The following NCR2 variants were observed in gnomAD, a reference collection of about 807,000 sequenced individuals.
The protein encoded by NCR2 is NK cell activating receptor (NKp44).
Under a neutral mutation model 30.7 loss-of-function variants are expected in NCR2, and 35 were observed. The observed-to-expected ratio is 1.14, with a 90% CI of 0.87 to 1.51. The LOEUF (loss-of-function observed/expected upper bound fraction) is 1.51. Ranked by LOEUF, NCR2 falls within the 40% of genes most tolerant of loss-of-function variation. The pLI is 0.00. For synonymous variants in NCR2, 146 were observed against 134.8 expected (o/e 1.08, Z -0.58); for missense variants, 316 against 328.9 (o/e 0.96, Z 0.30).
At chr6:41,335,998 A>G in intron 1 of NCR2, 70 bp downstream of exon 1, 1 of 1,584,540 alleles carries the variant, frequency 6.3e-7, no homozygotes, top group Non-Finnish European at 8.6e-7. Flanking sequence ...CAGCAGGGTC[A>G]GGGAGCAGGT....
At chr6:41,338,967 C>T (rs1769099327) in intron 2 of NCR2, among the ~76,000 whole-genome samples, 1 of 152,242 alleles carries the variant, frequency 6.6e-6, no homozygotes, top group South Asian at 2.1e-4. Context: ...GTATGGATTC[C>T]TTTCAAGAGC....
Position 41,350,823 on chromosome 6 carries a change from A to T in NCR2, c.790A>T (p.Arg264Trp). The change falls in exon 5 of 5, where the codon AGG becomes TGG. Residue 264 changes from arginine (R) to tryptophan (W), a missense_variant. Arg to Trp is a moderately radical substitution (Grantham distance 101, BLOSUM62 -3). Coordinates refer to ENST00000373089, the MANE Select transcript of NCR2 (RefSeq NM_004828.4). ...EREILYHTVARTKISDDDDEH... is the reference protein window; with the variant it reads ...EREILYHTVAWTKISDDDDEH... ...AGAAATATTATATCACACTGTTGCA[A>T]GGACTAAGATAAGCGATGATGATGA... 9.6e-7 allele frequency: 1 copy of T among 1,043,820 alleles called. No individual in the cohort carries two copies. Among genetic ancestry groups the T allele is most frequent in the Non-Finnish European group, 1.5e-6 (1 of 659,868 alleles). The allele number at this position is 1,043,820 out of a possible 1,614,324, so 64.7% of individuals were successfully genotyped here. A position where few individuals can be genotyped will look rare whatever the true frequency, so the allele number is the denominator to read the frequency against.
At chr6:41,344,869 G>A (rs980160659) in intron 4 of NCR2, among the ~76,000 whole-genome samples, 3 of 152,192 alleles carry the variant, frequency 2.0e-5, no homozygotes, top group Non-Finnish European at 4.4e-5. Flanking sequence ...GGATTGGGCG[G>A]GAGTATGGCT....
chr6:41,336,086 G>A lies in NCR2; in HGVS notation c.53-1G>A. ...CTATGCGTTACTTCATCATTCTCCA[G>A]GCTCTCAGGCACAATCCAAGGCTCA... is the stretch of plus-strand genomic sequence containing the variant. On this transcript the variant is annotated splice_acceptor_variant, in intron 1 of 4. Coordinates refer to ENST00000373089, the MANE Select transcript of NCR2 (RefSeq NM_004828.4). LOFTEE classifies it high-confidence loss of function. 6.2e-7 allele frequency: 1 copy of A among 1,611,638 alleles called. No individual in the cohort carries two copies. The highest frequency in any genetic ancestry group is 8.5e-7 in the Non-Finnish European group (1 of 1,178,432).
intron 4 of NCR2, chr6:41,342,885 A>G: frequency 1.3e-6 from 2 of 1,533,730 alleles, no homozygotes; most frequent in Non-Finnish European, 1.8e-6. Context: ...AACGGATTCA[A>G]GTCACTTCAT....
Position 41,336,412 on chromosome 6 carries a change from T to C in NCR2, c.378T>C (p.Tyr126=). The C allele has an allele frequency of 1.2e-6, 2 of 1,613,170 alleles. No individual in the cohort carries two copies. Among genetic ancestry groups the C allele is most frequent in the Non-Finnish European group, 1.7e-6 (2 of 1,179,308 alleles). Residue 126 remains tyrosine, a synonymous_variant, in exon 2 of 5, where the codon TAT becomes TAC. Coordinates refer to ENST00000373089, the MANE Select transcript of NCR2 (RefSeq NM_004828.4). ...CTGTCTCTAAGTCCGTCAGATTCTA[T>C]CTGGTGGTATCTCCAGGTGAGCTCT... ...DNSVSKSVRF[Y]LVVSPASAST... is the part of the protein sequence containing the mutation.
intron 2 of NCR2, 60 bp downstream of exon 2, chr6:41,336,488 T>C: frequency 7.0e-7 from 1 of 1,430,794 alleles, no homozygotes. Flanking sequence ...GGTGCCTCCA[T>C]CACCCCTGGT....
At chr6:41,339,186 G>A (rs6928508) in intron 2 of NCR2, among the ~76,000 whole-genome samples, 75,744 of 151,158 alleles carry the variant, frequency 0.5, 21,155 homozygotes, top group Admixed American at 0.63. Context: ...CTCAGCCTCC[G>A]GTGTAGCTGG....
rs372086649 is a variant in NCR2, at chr6:41,341,772, C to T, written c.395-22C>T. The T allele has an allele frequency of 8.0e-5, 128 of 1,599,982 alleles. No individual in the cohort carries two copies. The African/African-American group carries it at 1.2e-3, about 16-fold the overall frequency. On this transcript the variant is annotated intron_variant, in intron 2 of 4. Transcript: ENST00000373089. ...AGTGAGGTCTCCCACTCACTAACCA[C>T]GCTCTTTCTCCTCCCTGGCAGCCTC...
At position 41,335,745 on chromosome 6, in the gene NCR2, C is replaced by T; in HGVS notation, c.-132C>T. ...CCTTTGCAGTCTCCCATCTCCCCAACCCAGGCCTCAGCCTGTCTCATTTTT... is the reference window on the plus strand; with the variant it reads ...CCTTTGCAGTCTCCCATCTCCCCAATCCAGGCCTCAGCCTGTCTCATTTTT... On this transcript the variant is annotated 5_prime_UTR_variant, in exon 1 of 5. Coordinates refer to ENST00000373089, the MANE Select transcript of NCR2 (RefSeq NM_004828.4). 1 of 1,036,816 alleles carries T rather than the reference C, an allele frequency of 9.6e-7. No homozygotes were observed. Among genetic ancestry groups the T allele is most frequent in the South Asian group, 1.4e-5 (1 of 72,928 alleles). The allele number at this position is 1,036,816 out of a possible 1,614,324, so 64.2% of individuals were successfully genotyped here.
At chr6:41,341,742 G>C in intron 2 of NCR2, 52 bp from the exon 3 acceptor site, 1 of 1,559,870 alleles carries the variant, frequency 6.4e-7, no homozygotes, top group Admixed American at 1.8e-5. Flanking sequence ...CTGCCGGCAG[G>C]CACAAGTGAG....
intron 4 of NCR2, among the ~76,000 whole-genome samples, chr6:41,346,603 C>G (rs1002044578): frequency 6.6e-6 from 1 of 152,190 alleles, no homozygotes; most frequent in African/African-American, 2.4e-5. Flanking sequence ...TAGCTTCCTG[C>G]TTACTCTGTG....
intron 2 of NCR2, among the ~76,000 whole-genome samples, chr6:41,338,812 AG>A (rs747948528): frequency 5.9e-5 from 9 of 152,214 alleles, no homozygotes; most frequent in Non-Finnish European, 8.8e-5. Context: ...AATGATATCA[AG>A]CTCCCTTCTT....
intron 4 of NCR2, among the ~76,000 whole-genome samples, chr6:41,343,595 A>G (rs1769228798): frequency 6.6e-6 from 1 of 152,244 alleles, no homozygotes; most frequent in African/African-American, 2.4e-5. Flanking sequence ...GGTTTAGAGA[A>G]CTCTGCTCTG....
At chr6:41,343,937 A>T (rs1215088957) in intron 4 of NCR2, among the ~76,000 whole-genome samples, 1 of 152,118 alleles carries the variant, frequency 6.6e-6, no homozygotes, top group Admixed American at 6.5e-5. Flanking sequence ...CCCCAAATCC[A>T]GACGCCTGGG....
At chr6:41,342,173 C>T (rs375424126) in intron 4 of NCR2, 24 bp downstream of exon 4, 8 of 1,609,548 alleles carry the variant, frequency 5.0e-6, no homozygotes, top group African/African-American at 1.3e-5. Context: ...GGGTTGAACT[C>T]GGGGAAAATG....
chr6:41,336,273 G>C lies in NCR2; in HGVS notation c.239G>C (p.Arg80Pro). The C allele has an allele frequency of 1.2e-6, 2 of 1,614,116 alleles. No homozygotes were observed. The highest frequency in any genetic ancestry group is 1.7e-6 in the Non-Finnish European group (2 of 1,180,018). ...CCCAGGACGATGGCTTGGACCTCTC[G>C]ATTCACAATCTGGGACGACCCTGAT... ...SKPRTMAWTS[R>P]FTIWDDPDAG... Residue 80 changes from arginine to proline, a missense_variant, in exon 2 of 5, where the codon CGA becomes CCA. By Grantham distance (103) the Arg-to-Pro change is moderately radical. Transcript: ENST00000373089.
At chr6:41,340,553 C>T (rs1769144307) in intron 2 of NCR2, among the ~76,000 whole-genome samples, 1 of 152,194 alleles carries the variant, frequency 6.6e-6, no homozygotes, top group African/African-American at 2.4e-5. Flanking sequence ...ACCCTCCATG[C>T]TAATTTGACA....
chr6:41,345,061 C>G (rs1769270408), intron 4 of NCR2, among the ~76,000 whole-genome samples: 1 of 152,136 alleles, frequency 6.6e-6, no homozygotes, highest in Non-Finnish European at 1.5e-5. Flanking sequence ...GCGCCCTGTG[C>G]CCTGAGCAGA....
Sources: gnomAD v4.1 joint callset for allele counts (sites outside exome capture counted in the v4.1 genomes callset) on GRCh38, gnomAD v4.1.1 for gene constraint, MANE v1.5 for transcripts, NCBI Gene and HGNC (gene_info 2026-07-23, HGNC 2026-07-21) for gene names.